PARD6G: variants seen among roughly 807,000 people sequenced by gnomAD.
PARD6G encodes par-6 family cell polarity regulator gamma.
A neutral mutation model predicts 10.7 loss-of-function variants in PARD6G; 7 were observed. That is an observed-to-expected ratio of 0.66 (90% CI 0.37 to 1.23). The LOEUF is 1.23. PARD6G is among the 50% of genes most tolerant of loss of function. PARD6G has a pLI of 0.02. For missense variants in PARD6G, 548 were observed against 571.8 expected (o/e 0.96, Z 0.42); for synonymous variants, 287 against 269.4 (o/e 1.07, Z -0.64).
At position 80,168,573 on chromosome 18, in the gene PARD6G, TTGTGTG is replaced by T. The variant is rs3051500; in HGVS notation, c.296-7973_296-7968del. 2.1e-3 allele frequency among the ~76,000 whole-genome samples: 302 copies of T among 144,416 alleles called. 1 individual carries two copies. Among genetic ancestry groups the T allele is most frequent in the Middle Eastern group, 3.5e-3 (1 of 284 alleles). 94.7% of individuals were successfully genotyped at this position (144,416 alleles called of 152,430 possible). On this transcript the variant is annotated intron_variant, in intron 2 of 2. Coordinates refer to ENST00000353265, the MANE Select transcript of PARD6G (RefSeq NM_032510.4). ...TATCCTGTTTTCAGTCAAATTATGT[TTGTGTG>T]TGTGTGTGTGTGTGTGTGTGTGTGT... is the stretch of plus-strand genomic sequence containing the variant.
Position 80,184,620 on chromosome 18 carries a change from G to C in PARD6G, c.295+18090C>G, listed in dbSNP as rs898631866. On this transcript the variant is annotated intron_variant, in intron 2 of 2. Transcript: ENST00000353265. This position sits in a 1 kb window ranked among gnomAD's most constrained non-coding sequence, Gnocchi z 4.5. The stretch of plus-strand genomic sequence containing the variant: ...CGCGGAAACAGGCCATGACACGGAC[G>C]AGCCACACCATGGATGACCCCACGG... The C allele has an allele frequency of 2.0e-5, 3 of 152,456 alleles. No homozygotes were observed. Among genetic ancestry groups the C allele is most frequent in the Non-Finnish European group, 4.4e-5 (3 of 68,220 alleles). 9.4% of individuals were successfully genotyped at this position (152,456 alleles called of 1,614,324 possible).
rs1478988007 is a variant in PARD6G, at chr18:80,200,163, C to T, written c.295+2547G>A. 6.6e-6 allele frequency among the ~76,000 whole-genome samples: 1 copy of T among 152,152 alleles called. No homozygotes were observed. The highest frequency in any genetic ancestry group is 2.4e-5 in the African/African-American group (1 of 41,432). On this transcript the variant is annotated intron_variant, in intron 2 of 2. Transcript: ENST00000353265. This position sits in a 1 kb window ranked among gnomAD's most constrained non-coding sequence, Gnocchi z 4.4. ...CGTGACTGACCCCTCGACACCCCTGCTGCAGTAAAAAGGCTGTGGGATTGA... is the reference window on the plus strand; with the variant it reads ...CGTGACTGACCCCTCGACACCCCTGTTGCAGTAAAAAGGCTGTGGGATTGA...
At chr18:80,195,744 G>A (rs1358041624) in intron 2 of PARD6G, among the ~76,000 whole-genome samples, 3 of 150,692 alleles carry the variant, frequency 2.0e-5, no homozygotes, top group Admixed American at 2.0e-4. Flanking sequence ...GCGTGGTGGC[G>A]CGTGCCTGTA....
chr18:80,233,202 C>T (rs1457893997), intron 1 of PARD6G, among the ~76,000 whole-genome samples: 1 of 152,242 alleles, frequency 6.6e-6, no homozygotes, highest in Non-Finnish European at 1.5e-5. Flanking sequence ...ACTATCCTAC[C>T]TCTGACAAAG....
intron 2 of PARD6G, chr18:80,168,918 T>TAAC (rs2052755350): frequency 5.9e-6 from 1 of 169,208 alleles, no homozygotes; most frequent in African/African-American, 2.4e-5. Context: ...TTCTTACAAA[T>TAAC]AACCCCTTCT....
chr18:80,173,747 A>C (rs1003841534), intron 2 of PARD6G, among the ~76,000 whole-genome samples: 1 of 152,186 alleles, frequency 6.6e-6, no homozygotes, highest in Admixed American at 6.5e-5. Flanking sequence ...AACCCCTCAA[A>C]GTAAAAATAA....
rs1446734680 is a variant in PARD6G at position 80,246,693 on chromosome 18, C to T, written c.72+584G>A. ...GGGGAGGCGTGGTCTGGGTCTGGGC[C>T]GGGGGAGAGCCGGGTGCGTGCTCTG... On this transcript the variant is annotated intron_variant, in intron 1 of 2. Coordinates refer to ENST00000353265, the MANE Select transcript of PARD6G (RefSeq NM_032510.4). This position sits in a 1 kb window ranked among gnomAD's most constrained non-coding sequence, Gnocchi z 6.7. Among the ~76,000 whole-genome samples the T allele has an allele frequency of 2.3e-4, 32 of 140,012 alleles. No individual in the cohort carries two copies. The highest frequency in any genetic ancestry group is 3.9e-4 in the Non-Finnish European group (25 of 64,202). The allele number at this position is 140,012 out of a possible 152,430, so 91.9% of individuals were successfully genotyped here.
intron 1 of PARD6G, among the ~76,000 whole-genome samples, chr18:80,233,837 TA>T (rs1488739468): frequency 6.6e-6 from 1 of 152,188 alleles, no homozygotes; most frequent in Non-Finnish European, 1.5e-5. Flanking sequence ...GACTGATTTA[TA>T]ACCCAGCTTT....
At chr18:80,209,393 G>A (rs551370864) in intron 1 of PARD6G, among the ~76,000 whole-genome samples, 1 of 152,258 alleles carries the variant, frequency 6.6e-6, no homozygotes, top group East Asian at 1.9e-4. Flanking sequence ...ATTCTATTTT[G>A]TAGTTGACCC....
chr18:80,197,069 T>C (rs1361400468), intron 2 of PARD6G, among the ~76,000 whole-genome samples: 1 of 151,956 alleles, frequency 6.6e-6, no homozygotes, highest in African/African-American at 2.4e-5. Flanking sequence ...TCAGCAAAAA[T>C]ATACCTCTTC....
In PARD6G at chr18:80,202,941, CA is replaced by C. The variant is rs1568436346; in HGVS notation, c.73-10del. ...CGGAATTCCGCCCCAAACTACAATG[CA>C]AGAGACGGGGTGGGGGGAGGGGCAT... is the stretch of plus-strand genomic sequence containing the variant. On this transcript the variant is annotated splice_polypyrimidine_tract_variant and intron_variant, in intron 1 of 2. Transcript: ENST00000353265. 6.9e-7 allele frequency: 1 copy of C among 1,443,690 alleles called. No individual in the cohort carries two copies. The highest frequency in any genetic ancestry group is 9.4e-7 in the Non-Finnish European group (1 of 1,066,776). The allele number at this position is 1,443,690 out of a possible 1,614,324, so 89.4% of individuals were successfully genotyped here. A position where few individuals can be genotyped will look rare whatever the true frequency, so the allele number is the denominator to read the frequency against.
chr18:80,236,412 C>A (rs1234224925), intron 1 of PARD6G, among the ~76,000 whole-genome samples: 9 of 152,208 alleles, frequency 5.9e-5, no homozygotes, highest in African/African-American at 2.2e-4. Context: ...ATGGGCAAAA[C>A]CTGGAAGCAT....
rs1266879917 is a variant in PARD6G at position 80,184,307 on chromosome 18, G to A, written c.295+18403C>T. ...AACTGCCGGGCTGCAGTGAATCCAG[G>A]TGACCTCACAGAAACTTGTATGTGA... On this transcript the variant is annotated intron_variant, in intron 2 of 2. Transcript: ENST00000353265. The surrounding 1 kb of genome is among the most constrained non-coding windows in gnomAD (Gnocchi z 4.5). 6.6e-6 allele frequency: 1 copy of A among 152,272 alleles called. No individual in the cohort carries two copies. The highest frequency in any genetic ancestry group is 1.5e-5 in the Non-Finnish European group (1 of 68,064). 9.4% of individuals were successfully genotyped at this position (152,272 alleles called of 1,614,324 possible). A position where few individuals can be genotyped will look rare whatever the true frequency, so the allele number is the denominator to read the frequency against.
chr18:80,202,427 C>A (rs759413147), intron 2 of PARD6G, among the ~76,000 whole-genome samples: 1 of 152,154 alleles, frequency 6.6e-6, no homozygotes, highest in Non-Finnish European at 1.5e-5. Flanking sequence ...CTGACTCAAG[C>A]CTCCTTATCA....
intron 1 of PARD6G, among the ~76,000 whole-genome samples, chr18:80,222,093 C>CT (rs1393720302): frequency 4.7e-5 from 7 of 148,080 alleles, no homozygotes; most frequent in African/African-American, 9.9e-5. Context: ...TTTCTTTTTT[C>CT]TTTTTTTTTT....
At position 80,210,608 on chromosome 18, in the gene PARD6G, A is replaced by G. The variant is rs140520797; in HGVS notation, c.73-7676T>C. Among the ~76,000 whole-genome samples the G allele has an allele frequency of 3.9e-5, 6 of 152,356 alleles. No individual in the cohort carries two copies. The East Asian group carries it at 1.2e-3, about 29-fold the overall frequency. ...AGGGCATTTGCTGAACACAATCAGCATCAGCTGTTTAACATTTAAAGCTAA... is the reference window on the plus strand; with the variant it reads ...AGGGCATTTGCTGAACACAATCAGCGTCAGCTGTTTAACATTTAAAGCTAA... On this transcript the variant is annotated intron_variant, in intron 1 of 2. Coordinates refer to ENST00000353265, the MANE Select transcript of PARD6G (RefSeq NM_032510.4).
In PARD6G at chr18:80,159,735, G is replaced by A. The variant is rs2052681912; in HGVS notation, c.*36C>T. ...CAGGTCCTGTCCCTGTCCTTACCGG[G>A]GAACTGGAGCTAGGATTTGGGGGCC... On this transcript the variant is annotated 3_prime_UTR_variant, in exon 3 of 3. Coordinates refer to ENST00000353265, the MANE Select transcript of PARD6G (RefSeq NM_032510.4). 8.8e-6 allele frequency: 12 copies of A among 1,365,518 alleles called. No individual in the cohort carries two copies. Among genetic ancestry groups the A allele is most frequent in the Non-Finnish European group, 1.1e-5 (12 of 1,057,820 alleles). 84.6% of individuals were successfully genotyped at this position (1,365,518 alleles called of 1,614,324 possible).
At chr18:80,214,449 G>C (rs1009024369) in intron 1 of PARD6G, among the ~76,000 whole-genome samples, 5 of 151,926 alleles carry the variant, frequency 3.3e-5, no homozygotes, top group Non-Finnish European at 7.4e-5. Context: ...CTGGGAAACA[G>C]AGCGAGACTA....
In PARD6G at chr18:80,160,568, A is replaced by T; in HGVS notation, c.334T>A (p.Cys112Ser). 6.8e-7 allele frequency: 1 copy of T among 1,468,650 alleles called. No individual in the cohort carries two copies. Among genetic ancestry groups the T allele is most frequent in the Non-Finnish European group, 9.0e-7 (1 of 1,113,482 alleles). The allele number at this position is 1,468,650 out of a possible 1,614,324, so 91.0% of individuals were successfully genotyped here. A position where few individuals can be genotyped will look rare whatever the true frequency, so the allele number is the denominator to read the frequency against. Reference sequence around the variant, plus strand: ...GCGCCCAGCGCCCGCCTCCGCCTGCACAGCGAGCCCGCGCCGAGGCTGCCA... The same window carrying T: ...GCGCCCAGCGCCCGCCTCCGCCTGCTCAGCGAGCCCGCGCCGAGGCTGCCA... ...ERGSLGAGSL[C>S]RRRRALGALR... Residue 112 changes from cysteine to serine, a missense_variant, in exon 3 of 3, where the codon TGC becomes AGC. Transcript: ENST00000353265.
Sources: gnomAD v4.1 joint callset for allele counts (sites outside exome capture counted in the v4.1 genomes callset) on GRCh38, gnomAD v4.1.1 for gene constraint, Gnocchi (gnomAD v3.1) non-coding constraint, MANE v1.5 for transcripts, NCBI Gene and HGNC (gene_info 2026-07-23, HGNC 2026-07-21) for gene names.